SLC16A2: variants seen among roughly 807,000 people sequenced by gnomAD.
SLC16A2 encodes solute carrier family 16 member 2.
SLC16A2 carries 3 observed loss-of-function variants against 27.2 expected under a neutral mutation model. That is an observed-to-expected ratio of 0.11 (90% CI 0.05 to 0.28). The LOEUF (loss-of-function observed/expected upper bound fraction) is 0.28, where lower values mean the gene tolerates loss of function less well. Ranked by LOEUF, SLC16A2 falls within the 10% of genes least tolerant of loss-of-function variation. The pLI, the probability that SLC16A2 is intolerant of heterozygous loss-of-function variation, is 1.00. For missense variants in SLC16A2, 295 were observed against 458.5 expected, an observed-to-expected ratio of 0.64 and a Z score of 3.26; for synonymous variants, 202 against 187.8, an observed-to-expected ratio of 1.08 and a Z score of -0.62.
chrX:74,529,673 T>C (rs895849596), intron 5 of SLC16A2, among the ~76,000 whole-genome samples: 3 of 109,152 alleles, frequency 2.7e-5, no homozygotes, highest in African/African-American at 1.0e-4. Flanking sequence ...TCTGTTTCAA[T>C]AGGATTTTAT....
chrX:74,523,288 C>T (rs746007749), intron 2 of SLC16A2, among the ~76,000 whole-genome samples: 1 of 112,557 alleles, frequency 8.9e-6, no homozygotes, highest in East Asian at 2.8e-4. Flanking sequence ...TGACAGCTAT[C>T]TTAGAATCAT....
intron 1 of SLC16A2, among the ~76,000 whole-genome samples, chrX:74,433,371 CAAA>C (rs146613852): frequency 3.8e-5 from 3 of 78,694 alleles, no homozygotes; most frequent in Non-Finnish European, 5.0e-5. Context: ...GACTCTGTCT[CAAA>C]AAAAAAAAAA....
chrX:74,514,479 T>C (rs1656379366), intron 1 of SLC16A2, among the ~76,000 whole-genome samples: 1 of 111,396 alleles, frequency 9.0e-6, no homozygotes, highest in Non-Finnish European at 1.9e-5. Flanking sequence ...CCGCCTCCCA[T>C]GCTGAGGTGG....
At chrX:74,506,947 T>A (rs1163507432) in intron 1 of SLC16A2, among the ~76,000 whole-genome samples, 6 of 105,300 alleles carry the variant, frequency 5.7e-5, no homozygotes, top group Non-Finnish European at 7.8e-5. Flanking sequence ...ATTTTTTTTT[T>A]TTTGAGGCAG....
At chrX:74,430,363 T>G (rs1030519668) in intron 1 of SLC16A2, among the ~76,000 whole-genome samples, 1 of 111,832 alleles carries the variant, frequency 8.9e-6, no homozygotes, top group Admixed American at 9.5e-5. Flanking sequence ...AGGGGGCAAC[T>G]ACCAAGGGAG....
intron 1 of SLC16A2, among the ~76,000 whole-genome samples, chrX:74,507,355 T>G (rs935763785): frequency 1.8e-4 from 20 of 111,719 alleles, no homozygotes; most frequent in African/African-American, 6.5e-4. Flanking sequence ...ATTTGACGCA[T>G]TTTTACATAT....
chrX:74,425,034 T>G, intron 1 of SLC16A2, among the ~76,000 whole-genome samples: 1 of 111,247 alleles, frequency 9.0e-6, no homozygotes, highest in South Asian at 3.8e-4. Context: ...AATTTTTATT[T>G]ATTTATTTAT....
chrX:74,470,890 A>T (rs1049960855), intron 1 of SLC16A2, among the ~76,000 whole-genome samples: 12 of 111,131 alleles, frequency 1.1e-4, no homozygotes, highest in African/African-American at 3.9e-4. Context: ...GTGAGCCAAG[A>T]TGGCGCCACT....
At chrX:74,510,960 C>T (rs10284046) in intron 1 of SLC16A2, among the ~76,000 whole-genome samples, 55,821 of 106,291 alleles carry the variant, frequency 0.53, 13,347 homozygotes, top group Non-Finnish European at 0.73. Flanking sequence ...TACTAGCTAC[C>T]CTCAGGAGAC....
At position 74,525,907 on chromosome X, in the gene SLC16A2, C is replaced by T. The variant is rs368574193; in HGVS notation, c.1170+14C>T. The stretch of plus-strand genomic sequence containing the variant: ...ATCTACTTGCAGGTGAGTGTGACCA[C>T]TTGTCCACTGTGGGGAGAAACAGCC... On this transcript the variant is annotated intron_variant, in intron 4 of 5. Transcript: ENST00000587091. 17 of 1,207,746 alleles carry T rather than the reference C, an allele frequency of 1.4e-5. No homozygotes were observed. In the African/African-American group the frequency reaches 3.0e-4, roughly 21 times the overall value.
rs1342021064 is a variant in SLC16A2 at position 74,524,830 on chromosome X, C to G, written c.1026+21C>G. On this transcript the variant is annotated intron_variant, in intron 3 of 5. Coordinates refer to ENST00000587091, the MANE Select transcript of SLC16A2 (RefSeq NM_006517.5). Reference sequence around the variant, plus strand: ...ACCTGGTGAGGAATACCAGAGTGGGCCCACCCCACCTGGCCCCAAGAAGCT... The same window carrying G: ...ACCTGGTGAGGAATACCAGAGTGGGGCCACCCCACCTGGCCCCAAGAAGCT... The G allele has an allele frequency of 2.6e-6, 3 of 1,174,692 alleles. No individual in the cohort carries two copies. In the African/African-American group the frequency reaches 5.3e-5, roughly 21 times the overall value.
intron 1 of SLC16A2, among the ~76,000 whole-genome samples, chrX:74,445,196 A>G (rs1264207096): frequency 9.0e-6 from 1 of 111,689 alleles, no homozygotes; most frequent in Non-Finnish European, 1.9e-5. Context: ...GTGCTTGCAC[A>G]TGTGTGCATG....
chrX:74,520,942 C>A, intron 1 of SLC16A2, 48 bp from the exon 2 acceptor site: 4 of 1,190,477 alleles, frequency 3.4e-6, no homozygotes, highest in Non-Finnish European at 4.6e-6. Context: ...GCAGTACCAC[C>A]AGGCACTACA....
At chrX:74,505,591 G>A (rs757527030) in intron 1 of SLC16A2, among the ~76,000 whole-genome samples, 16 of 112,072 alleles carry the variant, frequency 1.4e-4, no homozygotes, top group East Asian at 1.1e-3. Context: ...TCATGAAGTC[G>A]TAGCAGCAGG....
At chrX:74,515,375 G>T (rs1431923748) in intron 1 of SLC16A2, among the ~76,000 whole-genome samples, 2 of 110,314 alleles carry the variant, frequency 1.8e-5, no homozygotes, top group Middle Eastern at 9.3e-3. Flanking sequence ...AAAATAGATT[G>T]AAAAAAATGG....
chrX:74,448,302 ATTTTTTTTT>A (rs144467927), intron 1 of SLC16A2, among the ~76,000 whole-genome samples: 54 of 64,252 alleles, frequency 8.4e-4, no homozygotes, highest in African/African-American at 2.7e-3. Context: ...AATCCTTTGG[ATTTTTTTTT>A]TTTTTTTTTT....
chrX:74,478,370 G>A (rs759807901), intron 1 of SLC16A2, among the ~76,000 whole-genome samples: 1 of 110,992 alleles, frequency 9.0e-6, no homozygotes, highest in African/African-American at 3.3e-5. Flanking sequence ...TTTATTTTGA[G>A]TCTATGTGTG....
At chrX:74,424,156 C>G (rs1317690337) in intron 1 of SLC16A2, among the ~76,000 whole-genome samples, 1 of 110,079 alleles carries the variant, frequency 9.1e-6, no homozygotes, top group Admixed American at 9.7e-5. Flanking sequence ...TACTCTGACA[C>G]AGACCAGGTT....
chrX:74,502,659 T>G (rs963508888), intron 1 of SLC16A2, among the ~76,000 whole-genome samples: 2 of 112,482 alleles, frequency 1.8e-5, no homozygotes, highest in African/African-American at 6.5e-5. Flanking sequence ...ATTCACAAGA[T>G]AATTACAGGA....
Sources: gnomAD v4.1 joint callset for allele counts (sites outside exome capture counted in the v4.1 genomes callset) on GRCh38, gnomAD v4.1.1 for gene constraint, MANE v1.5 for transcripts, NCBI Gene and HGNC (gene_info 2026-07-23, HGNC 2026-07-21) for gene names.